The following LPIN1 variants were observed in gnomAD, a reference collection of about 807,000 sequenced individuals.
LPIN1 encodes the protein phosphatidate phosphatase LPIN1.
In LPIN1, 71 loss-of-function variants were observed where a neutral mutation model predicts 107.5. The observed-to-expected ratio is 0.66, with a 90% CI of 0.55 to 0.80. The LOEUF is 0.80. LPIN1 is among the 30% of genes least tolerant of loss of function. LPIN1 has a pLI of 0.00. For synonymous variants in LPIN1, 445 were observed against 452.6 expected (o/e 0.98, Z 0.21); for missense variants, 1,043 against 1,160.6 (o/e 0.90, Z 1.47).
intron 1 of LPIN1, chr2:11,764,089 TATATATATATATATAC>T (rs1670362202): frequency 1.7e-5 from 2 of 116,326 alleles, no homozygotes; most frequent in Non-Finnish European, 3.5e-5. Flanking sequence ...TATATATATA[TATATATATATATATAC>T]ACACACACAC....
rs141109247 is a variant in LPIN1, at chr2:11,793,372, C to T, written c.1806+1366C>T. On this transcript the variant is annotated intron_variant, in intron 13 of 20. Transcript: ENST00000674199. ...CAGATGGTCTCTTTGCACCCATCCTCACCCTTGCTTCTTCATTCTCTGTAC... is the reference window on the plus strand; with the variant it reads ...CAGATGGTCTCTTTGCACCCATCCTTACCCTTGCTTCTTCATTCTCTGTAC... 5.3e-4 allele frequency among the ~76,000 whole-genome samples: 80 copies of T among 152,336 alleles called. 1 individual carries two copies. Among genetic ancestry groups the T allele is most frequent in the Admixed American group, 2.3e-3 (35 of 15,306 alleles).
intron 17 of LPIN1, among the ~76,000 whole-genome samples, chr2:11,808,372 A>C (rs1679077503): frequency 6.6e-6 from 1 of 152,170 alleles, no homozygotes. Context: ...GAATTGACCA[A>C]GGCTTGTGAC....
Position 11,771,271 on chromosome 2 carries a change from G to A in LPIN1, c.289-101G>A, listed in dbSNP as rs1671795455. 3 of 1,164,740 alleles carry A rather than the reference G, an allele frequency of 2.6e-6. No individual in the cohort carries two copies. The highest frequency in any genetic ancestry group is 3.8e-6 in the Non-Finnish European group (3 of 782,938). 72.2% of individuals were successfully genotyped at this position (1,164,740 alleles called of 1,614,324 possible). A position where few individuals can be genotyped will look rare whatever the true frequency, so the allele number is the denominator to read the frequency against. On this transcript the variant is annotated intron_variant, in intron 3 of 20. Coordinates refer to ENST00000674199, the MANE Select transcript of LPIN1 (RefSeq NM_001349206.2). This position sits in a 1 kb window ranked among gnomAD's most constrained non-coding sequence, Gnocchi z 4.8. ...CATCTGCTGTGGCCCTCCCCAGGAG[G>A]TGCTTGGCCTCTGAAGTGAATCCTG...
At chr2:11,763,013 G>A (rs1670090882) in intron 1 of LPIN1, 1 of 152,314 alleles carries the variant, frequency 6.6e-6, no homozygotes, top group Non-Finnish European at 1.5e-5. Context: ...AATCCTTCCT[G>A]TTTGGGCAGT....
At chr2:11,794,770 A>C (rs796107430) in intron 13 of LPIN1, among the ~76,000 whole-genome samples, 23 of 152,320 alleles carry the variant, frequency 1.5e-4, no homozygotes, top group African/African-American at 5.3e-4. Flanking sequence ...GTTCAGACAC[A>C]GTCTCCTTTA....
Position 11,771,937 on chromosome 2 carries a change from T to C in LPIN1, c.596+258T>C, listed in dbSNP as rs1359697573. On this transcript the variant is annotated intron_variant, in intron 4 of 20. Coordinates refer to ENST00000674199, the MANE Select transcript of LPIN1 (RefSeq NM_001349206.2). The surrounding 1 kb of genome is among the most constrained non-coding windows in gnomAD (Gnocchi z 4.8). ...TCCATTACTATTACATTGTAATATATAATGAAATACTTATACAACTCGCCA... is the reference window on the plus strand; with the variant it reads ...TCCATTACTATTACATTGTAATATACAATGAAATACTTATACAACTCGCCA... Among the ~76,000 whole-genome samples the C allele has an allele frequency of 2.6e-5, 4 of 152,206 alleles. No individual in the cohort carries two copies. The highest frequency in any genetic ancestry group is 7.2e-5 in the African/African-American group (3 of 41,442).
chr2:11,711,646 A>G (rs919970389), intron 1 of LPIN1, among the ~76,000 whole-genome samples: 1 of 152,036 alleles, frequency 6.6e-6, no homozygotes, highest in African/African-American at 2.4e-5. Flanking sequence ...CAACCCCCCA[A>G]TCCAAGTTGC....
At chr2:11,817,380 T>C (rs1376316158) in intron 18 of LPIN1, 2 of 152,248 alleles carry the variant, frequency 1.3e-5, no homozygotes, top group Non-Finnish European at 2.9e-5. Context: ...TTCATAGCTT[T>C]TAATGAAAAT....
upstream of LPIN1, among the ~76,000 whole-genome samples, chr2:11,741,789 G>A (rs899325808): frequency 6.6e-6 from 1 of 151,426 alleles, no homozygotes; most frequent in African/African-American, 2.4e-5. Flanking sequence ...CCAGCTGGGC[G>A]ACAGAGTGAG....
At chr2:11,776,752 G>C (rs958916305) in intron 6 of LPIN1, among the ~76,000 whole-genome samples, 1 of 152,184 alleles carries the variant, frequency 6.6e-6, no homozygotes, top group Non-Finnish European at 1.5e-5. Flanking sequence ...TCAAAGGTTG[G>C]TGTGTTCACT....
At chr2:11,741,173 T>C in intron 1 of LPIN1, 1 of 491,674 alleles carries the variant, frequency 2.0e-6, no homozygotes, top group Non-Finnish European at 3.6e-6. Flanking sequence ...ATGTCAGCCC[T>C]GAGGCTTAGC....
At chr2:11,772,711 A>T (rs1672054371) in intron 4 of LPIN1, among the ~76,000 whole-genome samples, 4 of 152,220 alleles carry the variant, frequency 2.6e-5, no homozygotes, top group African/African-American at 9.6e-5. Flanking sequence ...ATTTTGGTGA[A>T]AAATGCCAGT....
At chr2:11,692,705 T>C (rs1046471111) in intron 1 of LPIN1, among the ~76,000 whole-genome samples, 1 of 152,226 alleles carries the variant, frequency 6.6e-6, no homozygotes, top group African/African-American at 2.4e-5. Flanking sequence ...TGTTCCCAGT[T>C]TGTGTCACAG....
chr2:11,746,540 C>G (rs1240428444), upstream of LPIN1: 2 of 504,088 alleles, frequency 4.0e-6, no homozygotes, highest in Non-Finnish European at 5.1e-6. Flanking sequence ...GAGTCCCCCT[C>G]GCACCGCCCC....
chr2:11,698,067 A>G lies in LPIN1; in HGVS notation c.82-15689A>G, dbSNP rs561455774. 1.1e-4 allele frequency among the ~76,000 whole-genome samples: 16 copies of G among 152,256 alleles called. No homozygotes were observed. The East Asian group carries it at 3.1e-3, about 29-fold the overall frequency. ...TCAAGCGATGGGCCCATTTCTGTCT[A>G]GAGCCCCTCTCTCAGGTCCTGATCC... On this transcript the variant is annotated intron_variant, in intron 1 of 21. Coordinates refer to the LPIN1 transcript ENST00000449576.
intron 1 of LPIN1, among the ~76,000 whole-genome samples, chr2:11,691,711 A>C (rs527705841): frequency 3.3e-5 from 5 of 152,260 alleles, no homozygotes; most frequent in South Asian, 2.1e-4. Context: ...ATGAGCCACA[A>C]GCATGCTTTC....
At chr2:11,763,043 C>T (rs544179217) in intron 1 of LPIN1, 1 of 152,328 alleles carries the variant, frequency 6.6e-6, no homozygotes, top group South Asian at 2.1e-4. Context: ...CACGTGGCTT[C>T]ACGAGTCCGC....
chr2:11,717,031 A>G (rs1663792693), intron 2 of LPIN1, among the ~76,000 whole-genome samples: 1 of 152,160 alleles, frequency 6.6e-6, no homozygotes, highest in Admixed American at 6.5e-5. Context: ...AGGTTGGGAA[A>G]GGACTGGACC....
chr2:11,788,254 G>A (rs1675016507), intron 11 of LPIN1, 133 bp from the exon 12 acceptor site: 4 of 689,932 alleles, frequency 5.8e-6, no homozygotes, highest in Non-Finnish European at 1.1e-5. Flanking sequence ...AGGGCTGGGG[G>A]CTAGCAAGAG....
Sources: allele counts gnomAD v4.1 joint callset (sites outside exome capture counted in the v4.1 genomes callset), GRCh38; gene constraint gnomAD v4.1.1; non-coding constraint Gnocchi (gnomAD v3.1); transcripts MANE v1.5; gene names NCBI Gene and HGNC (gene_info 2026-07-23, HGNC 2026-07-21).